The following GRB2 variants were observed in gnomAD, a reference collection of about 807,000 sequenced individuals.
GRB2 encodes the protein growth factor receptor bound protein 2, also known as growth factor receptor-bound protein 2.
Under a neutral mutation model 27.4 loss-of-function variants are expected in GRB2, and 2 were observed. The ratio of observed to expected loss-of-function variants is 0.07; its 90% CI spans 0.03 to 0.23. The LOEUF is 0.23. GRB2 is among the 10% of genes least tolerant of loss of function. The probability of loss-of-function intolerance (pLI) is 1.00; values close to 1 mark genes in which losing one functional copy is unlikely to be tolerated. For missense variants in GRB2, 102 were observed against 282.4 expected, an observed-to-expected ratio of 0.36 and a Z score of 4.58; for synonymous variants, 94 against 99.6, an observed-to-expected ratio of 0.94 and a Z score of 0.33.
At chr17:75,373,959 A>C (rs1038016918) in intron 2 of GRB2, among the ~76,000 whole-genome samples, 1 of 151,670 alleles carries the variant, frequency 6.6e-6, no homozygotes, top group Non-Finnish European at 1.5e-5. Context: ...ATGCCCGGCT[A>C]ATTTTTTTTG....
At chr17:75,332,666 C>T (rs534413671) in intron 3 of GRB2, 34 bp downstream of exon 3, 6 of 1,257,956 alleles carry the variant, frequency 4.8e-6, no homozygotes, top group Admixed American at 3.5e-5. Flanking sequence ...GGAGGTGGGT[C>T]CAACCCTTCC....
intron 2 of GRB2, chr17:75,371,957 T>C (rs2078859459): frequency 6.6e-6 from 1 of 152,098 alleles, no homozygotes; most frequent in African/African-American, 2.4e-5. Flanking sequence ...AAAATGAGTA[T>C]CTACAATAAG....
At chr17:75,365,209 TTA>T (rs1231910260) in intron 2 of GRB2, among the ~76,000 whole-genome samples, 3 of 152,020 alleles carry the variant, frequency 2.0e-5, no homozygotes, top group Non-Finnish European at 4.4e-5. Flanking sequence ...ACCCAGAGGC[TTA>T]TGTTTACAGT....
intron 2 of GRB2, among the ~76,000 whole-genome samples, chr17:75,337,910 T>C (rs1469796): frequency 0.17 from 9,754 of 58,838 alleles, 502 homozygotes; most frequent in East Asian, 0.41. Context: ...ACTATTATTA[T>C]TATTATTATT....
intron 2 of GRB2, among the ~76,000 whole-genome samples, chr17:75,335,141 C>G (rs2078568545): frequency 6.6e-6 from 1 of 152,054 alleles, no homozygotes; most frequent in South Asian, 2.1e-4. Flanking sequence ...CAACTGGCCG[C>G]AGGTAAGGGG....
chr17:75,345,230 G>A (rs908620258), intron 2 of GRB2, among the ~76,000 whole-genome samples: 1 of 151,898 alleles, frequency 6.6e-6, no homozygotes, highest in African/African-American at 2.4e-5. Flanking sequence ...ATTTTTAGTA[G>A]AGACGGGGTT....
At chr17:75,389,129 C>T (rs1272318993) in intron 2 of GRB2, among the ~76,000 whole-genome samples, 1 of 152,154 alleles carries the variant, frequency 6.6e-6, no homozygotes, top group Non-Finnish European at 1.5e-5. Flanking sequence ...CCTTCCGAGG[C>T]TTCTTAAGGA....
chr17:75,389,258 C>T lies in GRB2; in HGVS notation c.78+4293G>A, dbSNP rs115314336. On this transcript the variant is annotated intron_variant, in intron 2 of 5. Transcript: ENST00000316804. ...TCTCAAACACAACAAGCACAAGTTTCGTCTCCCTTGAAATGTCCTCCTTCT... is the reference window on the plus strand; with the variant it reads ...TCTCAAACACAACAAGCACAAGTTTTGTCTCCCTTGAAATGTCCTCCTTCT... Among the ~76,000 whole-genome samples the T allele has an allele frequency of 9.5e-3, 1,431 of 151,182 alleles. 26 individuals carry two copies. Among genetic ancestry groups the T allele is most frequent in the South Asian group, 0.049 (233 of 4,762 alleles).
chr17:75,393,904 C>CG (rs1491430981), intron 1 of GRB2, 139 bp from the exon 2 acceptor site: 1 of 42,170 alleles, frequency 2.4e-5, no homozygotes, highest in Non-Finnish European at 1.4e-4. Flanking sequence ...CAGGCAACAG[C>CG]CCCCCCCCGC....
intron 2 of GRB2, among the ~76,000 whole-genome samples, chr17:75,382,222 CA>C (rs11305301): frequency 0.88 from 129,048 of 145,918 alleles, 57,571 homozygotes; most frequent in Non-Finnish European, 0.96. Context: ...ACTCCGTCTC[CA>C]AAAAAAAAAA....
intron 2 of GRB2, among the ~76,000 whole-genome samples, chr17:75,359,596 T>G (rs1162461716): frequency 6.6e-6 from 1 of 152,010 alleles, no homozygotes. Context: ...GGCCCAGACC[T>G]TGCCTAACTC....
chr17:75,377,463 A>T (rs1567871947), intron 2 of GRB2, among the ~76,000 whole-genome samples: 1 of 151,814 alleles, frequency 6.6e-6, no homozygotes, highest in Non-Finnish European at 1.5e-5. Flanking sequence ...TCTACAAAAT[A>T]CAAAAAGTTA....
Position 75,319,110 on chromosome 17 carries a change from C to T in GRB2, c.*1258G>A, listed in dbSNP as rs1183347044. On this transcript the variant is annotated 3_prime_UTR_variant, in exon 6 of 6. Transcript: ENST00000316804. Reference sequence around the variant, plus strand: ...CCTGGGCAAGCAGTTCCCTGAACCCCCAAGGGGCTCACAACCCTTAAAGCT... The same window carrying T: ...CCTGGGCAAGCAGTTCCCTGAACCCTCAAGGGGCTCACAACCCTTAAAGCT... The T allele has an allele frequency of 6.6e-6, 1 of 152,500 alleles. No individual in the cohort carries two copies. Among genetic ancestry groups the T allele is most frequent in the Non-Finnish European group, 1.5e-5 (1 of 68,046 alleles). 9.4% of individuals were successfully genotyped at this position (152,500 alleles called of 1,614,324 possible). A position where few individuals can be genotyped will look rare whatever the true frequency, so the allele number is the denominator to read the frequency against.
intron 2 of GRB2, among the ~76,000 whole-genome samples, chr17:75,336,149 T>G (rs574526097): frequency 6.6e-6 from 1 of 152,204 alleles, no homozygotes; most frequent in Non-Finnish European, 1.5e-5. Flanking sequence ...TGTGGTCTAA[T>G]AATGACCTTA....
At position 75,380,293 on chromosome 17, in the gene GRB2, T is replaced by G. The variant is rs565267791; in HGVS notation, c.78+13258A>C. ...CAAACTGACATCTGGAAAACTACTG[T>G]AGTGTTTTTGTTTTTTACTGCTTTT... On this transcript the variant is annotated intron_variant, in intron 2 of 5. Coordinates refer to ENST00000316804, the MANE Select transcript of GRB2 (RefSeq NM_002086.5). Among the ~76,000 whole-genome samples the G allele has an allele frequency of 6.1e-4, 92 of 151,670 alleles. 3 individuals are homozygous for G. In the South Asian group the frequency reaches 0.019, roughly 32 times the overall value.
intron 2 of GRB2, among the ~76,000 whole-genome samples, chr17:75,369,354 T>C (rs2078841008): frequency 6.6e-6 from 1 of 152,134 alleles, no homozygotes; most frequent in Admixed American, 6.5e-5. Context: ...AGCACAATGT[T>C]ATAGGAAAAT....
At chr17:75,396,469 G>A (rs995738024) in intron 1 of GRB2, among the ~76,000 whole-genome samples, 1 of 152,080 alleles carries the variant, frequency 6.6e-6, no homozygotes, top group South Asian at 2.1e-4. Flanking sequence ...GTATAGCTTA[G>A]TGTTGAATTT....
At chr17:75,377,080 G>A (rs1249559010) in intron 2 of GRB2, among the ~76,000 whole-genome samples, 1 of 151,256 alleles carries the variant, frequency 6.6e-6, no homozygotes, top group Non-Finnish European at 1.5e-5. Context: ...TACTTGGGAG[G>A]CTGAGATGGG....
At chr17:75,336,679 A>G (rs568242807) in intron 2 of GRB2, among the ~76,000 whole-genome samples, 58 of 152,332 alleles carry the variant, frequency 3.8e-4, no homozygotes, top group African/African-American at 1.4e-3. Context: ...CTTGGTGTTT[A>G]GTATGTTTTT....
Sources: allele counts gnomAD v4.1 joint callset (sites outside exome capture counted in the v4.1 genomes callset), GRCh38; gene constraint gnomAD v4.1.1; transcripts MANE v1.5; gene names NCBI Gene and HGNC (gene_info 2026-07-23, HGNC 2026-07-21).